NEK10: variants seen among roughly 807,000 people sequenced by gnomAD.
NEK10 encodes the protein serine/threonine-protein kinase Nek10.
A neutral mutation model predicts 159.8 loss-of-function variants in NEK10; 122 were observed. That is an observed-to-expected ratio of 0.76 (90% CI 0.66 to 0.89). The LOEUF (loss-of-function observed/expected upper bound fraction) is 0.89. Among genes scored for constraint, NEK10 ranks in the 40% least tolerant of loss-of-function variants. The pLI is 0.00. For synonymous variants in NEK10, 466 were observed against 457.1 expected, an observed-to-expected ratio of 1.02 and a Z score of -0.25; for missense variants, 1,342 against 1,323.1, an observed-to-expected ratio of 1.01 and a Z score of -0.22.
At chr3:27,266,753 C>T (rs1483272647) in intron 22 of NEK10, among the ~76,000 whole-genome samples, 1 of 152,158 alleles carries the variant, frequency 6.6e-6, no homozygotes, top group African/African-American at 2.4e-5. Flanking sequence ...AAAGCTTTGT[C>T]AGTAGAGGGT....
intron 23 of NEK10, among the ~76,000 whole-genome samples, chr3:27,246,630 A>T (rs1000170591): frequency 6.6e-5 from 10 of 152,152 alleles, no homozygotes; most frequent in African/African-American, 2.4e-4. Context: ...GTGCTATCAA[A>T]TATTAGCTCT....
intron 23 of NEK10, among the ~76,000 whole-genome samples, chr3:27,239,304 T>C (rs1954296348): frequency 6.6e-6 from 1 of 152,208 alleles, no homozygotes; most frequent in South Asian, 2.1e-4. Context: ...TATTCAAATG[T>C]AGTAATTTTG....
chr3:27,120,626 G>A (rs945008753), intron 32 of NEK10, among the ~76,000 whole-genome samples: 1 of 151,798 alleles, frequency 6.6e-6, no homozygotes, highest in Non-Finnish European at 1.5e-5. Context: ...CACCGCGCCT[G>A]GCCAAATAAG....
intron 23 of NEK10, among the ~76,000 whole-genome samples, chr3:27,227,885 G>A (rs1006148961): frequency 6.6e-5 from 10 of 152,176 alleles, no homozygotes; most frequent in Admixed American, 1.3e-4. Context: ...GTATAATAGC[G>A]TGGCAGGCAA....
At chr3:27,291,706 G>A (rs566094485) in intron 16 of NEK10, 120 bp from the exon 17 acceptor site, 303 of 635,150 alleles carry the variant, frequency 4.8e-4, no homozygotes, top group African/African-American at 4.6e-3. Flanking sequence ...GCAGTGGCAC[G>A]ATCTCAGCTC....
intron 29 of NEK10, among the ~76,000 whole-genome samples, chr3:27,169,431 A>G (rs1336191264): frequency 6.6e-6 from 1 of 152,190 alleles, no homozygotes; most frequent in Non-Finnish European, 1.5e-5. Flanking sequence ...GGCCCACTAA[A>G]GAACGTCATG....
chr3:27,294,610 T>C (rs530061745), intron 15 of NEK10, among the ~76,000 whole-genome samples: 72 of 152,332 alleles, frequency 4.7e-4, no homozygotes, highest in African/African-American at 1.6e-3. Context: ...TCAAGTCCCA[T>C]GCCTGCACCT....
intron 35 of NEK10, among the ~76,000 whole-genome samples, chr3:27,114,825 A>AGT (rs1198260756): frequency 6.6e-6 from 1 of 152,090 alleles, no homozygotes; most frequent in Non-Finnish European, 1.5e-5. Flanking sequence ...GCCCAGATAG[A>AGT]GTGTGTGTGT....
chr3:27,352,481 T>C lies in NEK10; in HGVS notation c.116A>G (p.Gln39Arg). The change falls in exon 3 of 36, where the codon CAA (glutamine) becomes CGA (arginine). Residue 39 changes from glutamine to arginine, a missense_variant. By Grantham distance (43) the Gln-to-Arg change is conservative. Coordinates refer to ENST00000691995, the MANE Select transcript of NEK10 (RefSeq NM_001394966.1). ...AAACGCTACCTGTTGTTTGCTTGAT[T>C]GGACGTTCAAAAGGCACCGAAGTCT... The part of the protein sequence containing the change: ...LKRLRCLLNV[Q>R]SSKQQLPAIN... 2 of 1,611,218 alleles carry C rather than the reference T, an allele frequency of 1.2e-6. No homozygotes were observed. Among genetic ancestry groups the C allele is most frequent in the Non-Finnish European group, 1.7e-6 (2 of 1,177,502 alleles).
chr3:27,244,796 T>C (rs912670533), intron 23 of NEK10, among the ~76,000 whole-genome samples: 4 of 152,164 alleles, frequency 2.6e-5, no homozygotes, highest in Admixed American at 6.5e-5. Context: ...AGGGCACCTG[T>C]GGCAGCTGGA....
At chr3:27,148,802 G>A (rs1314733758) in intron 30 of NEK10, among the ~76,000 whole-genome samples, 7 of 151,962 alleles carry the variant, frequency 4.6e-5, no homozygotes, top group African/African-American at 1.7e-4. Context: ...TTCCTCCCAG[G>A]CAGAAACCCA....
At chr3:27,127,314 T>C (rs1942082670) in intron 32 of NEK10, among the ~76,000 whole-genome samples, 1 of 152,204 alleles carries the variant, frequency 6.6e-6, no homozygotes, top group Non-Finnish European at 1.5e-5. Context: ...TAAGAGGTTA[T>C]TGATTCCTGA....
intron 23 of NEK10, among the ~76,000 whole-genome samples, chr3:27,209,089 T>C (rs974167672): frequency 2.0e-5 from 3 of 148,832 alleles, no homozygotes; most frequent in Admixed American, 1.4e-4. Flanking sequence ...GCATCCAGCA[T>C]TGACAGCTTT....
intron 25 of NEK10, among the ~76,000 whole-genome samples, chr3:27,198,781 C>A (rs1158701000): frequency 2.0e-5 from 3 of 151,888 alleles, no homozygotes; most frequent in Non-Finnish European, 4.4e-5. Context: ...CAAAAATTGA[C>A]AAGTTGGGGG....
Position 27,107,723 on chromosome 3 carries a change from T to C in NEK10, c.*3549A>G, listed in dbSNP as rs1049346665. 2.0e-5 allele frequency among the ~76,000 whole-genome samples: 3 copies of C among 152,106 alleles called. No individual in the cohort carries two copies. The highest frequency in any genetic ancestry group is 7.2e-5 in the African/African-American group (3 of 41,422). On this transcript the variant is annotated 3_prime_UTR_variant, in exon 36 of 36. Coordinates refer to ENST00000691995, the MANE Select transcript of NEK10 (RefSeq NM_001394966.1). ...GTGCCAAGAAGCTGTTTCAGATAGATTTCTTTGCATTGCCTCTCCAAGTGA... is the reference window on the plus strand; with the variant it reads ...GTGCCAAGAAGCTGTTTCAGATAGACTTCTTTGCATTGCCTCTCCAAGTGA...
At chr3:27,154,831 A>G (rs1275408115) in intron 30 of NEK10, among the ~76,000 whole-genome samples, 1 of 152,240 alleles carries the variant, frequency 6.6e-6, no homozygotes, top group Non-Finnish European at 1.5e-5. Flanking sequence ...ATAAACCCAT[A>G]GAAAACATAA....
chr3:27,187,055 G>C (rs935685949), intron 26 of NEK10, among the ~76,000 whole-genome samples: 1 of 152,224 alleles, frequency 6.6e-6, no homozygotes, highest in Admixed American at 6.5e-5. Flanking sequence ...CAAGGGGAGA[G>C]TTGGGGCATC....
chr3:27,285,648 G>C (rs1006913222), intron 20 of NEK10, among the ~76,000 whole-genome samples: 2 of 152,070 alleles, frequency 1.3e-5, no homozygotes, highest in African/African-American at 4.8e-5. Context: ...AAAAAACAAA[G>C]GAGCAAATTC....
At chr3:27,123,779 A>G (rs1399365102) in intron 32 of NEK10, among the ~76,000 whole-genome samples, 1 of 152,088 alleles carries the variant, frequency 6.6e-6, no homozygotes, top group Non-Finnish European at 1.5e-5. Flanking sequence ...CCAAGAGCTG[A>G]AAGAATGAGT....
Sources: allele counts gnomAD v4.1 joint callset (sites outside exome capture counted in the v4.1 genomes callset), GRCh38; gene constraint gnomAD v4.1.1; transcripts MANE v1.5; gene names NCBI Gene and HGNC (gene_info 2026-07-23, HGNC 2026-07-21).